The following TAFA1 variants were observed in gnomAD, a reference collection of about 807,000 sequenced individuals.
The protein encoded by TAFA1 is TAFA chemokine like family member 1.
TAFA1 carries 4 observed loss-of-function variants against 18.5 expected under a neutral mutation model. The observed-to-expected ratio is 0.22, with a 90% CI of 0.11 to 0.49. The LOEUF is 0.49. TAFA1 is among the 20% of genes least tolerant of loss of function. The pLI is 0.98. For synonymous variants in TAFA1, 56 were observed against 55.2 expected (o/e 1.01, Z -0.06); for missense variants, 147 against 169.0 (o/e 0.87, Z 0.72).
At chr3:68,514,975 T>C (rs530867942) in intron 3 of TAFA1, among the ~76,000 whole-genome samples, 1 of 152,050 alleles carries the variant, frequency 6.6e-6, no homozygotes. Context: ...AGAGATGTAA[T>C]AAAATGGCTA....
intron 2 of TAFA1, among the ~76,000 whole-genome samples, chr3:68,256,852 T>C (rs1041636558): frequency 2.0e-5 from 3 of 152,152 alleles, no homozygotes; most frequent in Non-Finnish European, 4.4e-5. Context: ...CCAAAACCTT[T>C]GTATGAGCCA....
At chr3:68,462,847 TG>T (rs1177722386) in intron 3 of TAFA1, among the ~76,000 whole-genome samples, 1 of 152,178 alleles carries the variant, frequency 6.6e-6, no homozygotes, top group Non-Finnish European at 1.5e-5. Flanking sequence ...TGAAATTCCA[TG>T]GAATATACAT....
At chr3:68,365,096 T>A in intron 2 of TAFA1, among the ~76,000 whole-genome samples, 1 of 152,214 alleles carries the variant, frequency 6.6e-6, no homozygotes, top group Middle Eastern at 3.2e-3. Context: ...TAGTTGTGTT[T>A]GTTGTAGCAG....
intron 2 of TAFA1, among the ~76,000 whole-genome samples, chr3:68,271,676 C>T (rs556173441): frequency 5.9e-5 from 9 of 152,092 alleles, no homozygotes; most frequent in Non-Finnish European, 8.8e-5. Context: ...GTGTTTGTGT[C>T]GAATACCCCA....
chr3:68,025,256 G>A (rs1454917271), intron 2 of TAFA1, among the ~76,000 whole-genome samples: 3 of 151,948 alleles, frequency 2.0e-5, no homozygotes, highest in Admixed American at 1.3e-4. Flanking sequence ...TAAATTTATT[G>A]GAAAAGCTAT....
rs931903521 is a variant in TAFA1, at chr3:68,053,017, A to G, written c.118+46273A>G. Among the ~76,000 whole-genome samples the G allele has an allele frequency of 3.9e-5, 6 of 152,294 alleles. No individual in the cohort carries two copies. The East Asian group carries it at 1.2e-3, about 29-fold the overall frequency. On this transcript the variant is annotated intron_variant, in intron 2 of 4. Coordinates refer to ENST00000478136, the MANE Select transcript of TAFA1 (RefSeq NM_213609.4). ...GTTTACTTCACTGACACCATCAGCA[A>G]TTTAACTTCTTTCTCCTGAAAGACA...
intron 2 of TAFA1, among the ~76,000 whole-genome samples, chr3:68,235,064 G>C (rs1339427086): frequency 6.6e-6 from 1 of 152,116 alleles, no homozygotes; most frequent in Non-Finnish European, 1.5e-5. Flanking sequence ...AGTTCTGAAG[G>C]TATTGCTCTT....
intron 3 of TAFA1, among the ~76,000 whole-genome samples, chr3:68,497,790 T>C (rs2072573282): frequency 6.6e-6 from 1 of 152,192 alleles, no homozygotes; most frequent in Non-Finnish European, 1.5e-5. Flanking sequence ...GTTTTGTGTT[T>C]GTTCATTTGT....
intron 2 of TAFA1, among the ~76,000 whole-genome samples, chr3:68,384,665 T>C (rs759216741): frequency 6.6e-6 from 1 of 152,094 alleles, no homozygotes; most frequent in Non-Finnish European, 1.5e-5. Flanking sequence ...GAGAATTCTG[T>C]AGATGTTTAT....
At chr3:68,099,536 A>G (rs2065123579) in intron 2 of TAFA1, among the ~76,000 whole-genome samples, 1 of 152,140 alleles carries the variant, frequency 6.6e-6, no homozygotes, top group Non-Finnish European at 1.5e-5. Context: ...GAACACTTAT[A>G]CACTCTTGGT....
intron 2 of TAFA1, among the ~76,000 whole-genome samples, chr3:68,093,267 C>A (rs1387711500): frequency 6.6e-6 from 1 of 152,086 alleles, no homozygotes; most frequent in Non-Finnish European, 1.5e-5. Flanking sequence ...AAATTCACAG[C>A]TGATGAATGT....
intron 2 of TAFA1, among the ~76,000 whole-genome samples, chr3:68,297,688 T>G (rs2068234132): frequency 6.6e-6 from 1 of 152,206 alleles, no homozygotes; most frequent in African/African-American, 2.4e-5. Context: ...GAGGAAAGTT[T>G]ACAGCAAGAT....
intron 3 of TAFA1, among the ~76,000 whole-genome samples, chr3:68,523,631 T>C (rs1057053738): frequency 6.6e-6 from 1 of 152,200 alleles, no homozygotes; most frequent in Non-Finnish European, 1.5e-5. Flanking sequence ...CCCCAAAATA[T>C]ATATACTAAA....
intron 2 of TAFA1, among the ~76,000 whole-genome samples, chr3:68,270,020 C>G (rs1265186384): frequency 4.6e-5 from 7 of 152,102 alleles, no homozygotes; most frequent in African/African-American, 1.4e-4. Context: ...AGTCTGTGCC[C>G]CTTTCTTCAG....
intron 3 of TAFA1, among the ~76,000 whole-genome samples, chr3:68,466,847 AC>A (rs776681608): frequency 2.6e-5 from 4 of 152,180 alleles, no homozygotes; most frequent in Non-Finnish European, 5.9e-5. Flanking sequence ...GGGAAAGAGT[AC>A]AAAAAATAGA....
At chr3:68,032,169 G>A (rs1335047951) in intron 2 of TAFA1, among the ~76,000 whole-genome samples, 1 of 151,998 alleles carries the variant, frequency 6.6e-6, no homozygotes, top group Non-Finnish European at 1.5e-5. Flanking sequence ...TGGTCTATAT[G>A]AGATTCATTA....
chr3:68,209,393 T>A lies in TAFA1; in HGVS notation c.118+202649T>A, dbSNP rs371703032. ...ACCTTCCATGCAGAATATTACATTA[T>A]ACAGCAGTAATTTCCAAGACTGTTA... On this transcript the variant is annotated intron_variant, in intron 2 of 4. Transcript: ENST00000478136. Among the ~76,000 whole-genome samples the A allele has an allele frequency of 6.6e-5, 10 of 152,200 alleles. No homozygotes were observed. In the East Asian group the frequency reaches 1.6e-3, roughly 24 times the overall value.
At chr3:68,002,127 G>T (rs755096927), upstream of TAFA1, among the ~76,000 whole-genome samples, 3 of 152,134 alleles carry the variant, frequency 2.0e-5, no homozygotes, top group Non-Finnish European at 4.4e-5. Flanking sequence ...GCTTTGAGTT[G>T]GGAGAATACA....
intron 2 of TAFA1, among the ~76,000 whole-genome samples, chr3:68,331,884 G>A (rs1323733324): frequency 5.7e-5 from 2 of 35,194 alleles, no homozygotes; most frequent in African/African-American, 1.1e-4. Flanking sequence ...TTTTTTTTGA[G>A]ACGGAGTCTC....
Sources: allele counts gnomAD v4.1 joint callset (sites outside exome capture counted in the v4.1 genomes callset), GRCh38; gene constraint gnomAD v4.1.1; transcripts MANE v1.5; gene names NCBI Gene and HGNC (gene_info 2026-07-23, HGNC 2026-07-21).